CACNA1E: variants seen among roughly 807,000 people sequenced by gnomAD.
CACNA1E encodes the protein voltage-dependent R-type calcium channel subunit alpha-1E.
In CACNA1E, 40 loss-of-function variants were observed where a neutral mutation model predicts 259.2. The ratio of observed to expected loss-of-function variants is 0.15; its 90% CI spans 0.12 to 0.20. The LOEUF (loss-of-function observed/expected upper bound fraction) is 0.20, where lower values mean the gene tolerates loss of function less well. CACNA1E is among the 10% of genes least tolerant of loss of function. The pLI is 1.00. For synonymous variants in CACNA1E, 1,104 were observed against 1,138.5 expected, an observed-to-expected ratio of 0.97 and a Z score of 0.61; for missense variants, 1,874 against 3,040.1, an observed-to-expected ratio of 0.62 and a Z score of 9.02.
intron 27 of CACNA1E, among the ~76,000 whole-genome samples, chr1:181,753,168 A>G (rs2102670667): frequency 6.6e-6 from 1 of 152,326 alleles, no homozygotes; most frequent in South Asian, 2.1e-4. Context: ...AATACTTCCC[A>G]GCAAGCAGAC....
rs779331307 is a variant in CACNA1E at position 181,720,388 on chromosome 1, GC to G, written c.1883+53del. 183 of 1,579,088 alleles carry G rather than the reference GC, an allele frequency of 1.2e-4. 2 individuals are homozygous for G. The highest frequency in any genetic ancestry group is 9.3e-4 in the South Asian group (81 of 87,290). On this transcript the variant is annotated intron_variant, in intron 14 of 47. Coordinates refer to ENST00000367573, the MANE Select transcript of CACNA1E (RefSeq NM_001205293.3). ...AAAGGAGGCTCAAAACCCAGTCGTAGCCTGTGTTGGGCTAGGGTCATTAACT... is the reference window on the plus strand; with the variant it reads ...AAAGGAGGCTCAAAACCCAGTCGTAGCTGTGTTGGGCTAGGGTCATTAACT...
chr1:181,364,042 G>T (rs1311329252), intron 1 of CACNA1E, among the ~76,000 whole-genome samples: 1 of 152,200 alleles, frequency 6.6e-6, no homozygotes, highest in Non-Finnish European at 1.5e-5. Context: ...AGGTGGTAGA[G>T]CCTGGAGGCA....
At chr1:181,716,157 T>G in intron 10 of CACNA1E, 28 bp downstream of exon 10, 1 of 1,378,054 alleles carries the variant, frequency 7.3e-7, no homozygotes, top group Non-Finnish European at 1.0e-6. Flanking sequence ...GATCTTTTAC[T>G]GCTCTGAATC....
rs77515579 is a variant in CACNA1E at position 181,669,881 on chromosome 1, C to T, written c.1055+18440C>T. Among the ~76,000 whole-genome samples the T allele has an allele frequency of 3.4e-3, 521 of 152,226 alleles. 2 individuals carry two copies. The highest frequency in any genetic ancestry group is 0.011 in the African/African-American group (437 of 41,530). Reference sequence around the variant, plus strand: ...CACTCCAAGAACGTCTCCATTACATCGAGAAAGAGGGAATATTTGTTATCA... The same window carrying T: ...CACTCCAAGAACGTCTCCATTACATTGAGAAAGAGGGAATATTTGTTATCA... On this transcript the variant is annotated intron_variant, in intron 7 of 47. Transcript: ENST00000367573.
intron 1 of CACNA1E, among the ~76,000 whole-genome samples, chr1:181,493,949 T>C (rs1664523868): frequency 6.6e-6 from 1 of 152,268 alleles, no homozygotes; most frequent in Non-Finnish European, 1.5e-5. Context: ...CTGTAATCAC[T>C]GTCTCTCCAG....
At chr1:181,747,450 A>ATTTT (rs60393528) in intron 25 of CACNA1E, among the ~76,000 whole-genome samples, 1 of 122,874 alleles carries the variant, frequency 8.1e-6, no homozygotes, top group African/African-American at 3.2e-5. Flanking sequence ...AAAATCTGTC[A>ATTTT]TTTTTTTTTT....
chr1:181,566,942 G>T (rs1412181969), intron 3 of CACNA1E, among the ~76,000 whole-genome samples: 1 of 151,970 alleles, frequency 6.6e-6, no homozygotes. Flanking sequence ...GGTTGCCACA[G>T]GTATCTAGTG....
At position 181,426,597 on chromosome 1, in the gene CACNA1E, A is replaced by G. The variant is rs141879410; in HGVS notation, c.434+13017A>G. Among the ~76,000 whole-genome samples, 18 of 143,972 alleles carry G rather than the reference A, an allele frequency of 1.3e-4. 1 individual carries two copies. The East Asian group carries it at 3.2e-3, about 25-fold the overall frequency. 94.5% of individuals were successfully genotyped at this position (143,972 alleles called of 152,430 possible). ...CACAACTTAACCCCTTCACAACTCAATCCCTTCCCATCTCAACCCCTTCCC... is the reference window on the plus strand; with the variant it reads ...CACAACTTAACCCCTTCACAACTCAGTCCCTTCCCATCTCAACCCCTTCCC... On this transcript the variant is annotated intron_variant, in intron 2 of 11. Coordinates refer to the CACNA1E transcript ENST00000524607.
In CACNA1E at chr1:181,715,406, T is replaced by C. The variant is rs1352969368; in HGVS notation, c.1225+15T>C. 6.5e-7 allele frequency: 1 copy of C among 1,526,986 alleles called. No homozygotes were observed. Among genetic ancestry groups the C allele is most frequent in the Non-Finnish European group, 9.0e-7 (1 of 1,105,802 alleles). The allele number at this position is 1,526,986 out of a possible 1,614,324, so 94.6% of individuals were successfully genotyped here. ...CGCCTTAGAAGGTAAGGAAATGTTC[T>C]GATGCCTTATTCCAGTTGCATTTGC... On this transcript the variant is annotated intron_variant, in intron 9 of 47. Coordinates refer to ENST00000367573, the MANE Select transcript of CACNA1E (RefSeq NM_001205293.3).
chr1:181,467,667 C>T (rs1315426914), intron 2 of CACNA1E, among the ~76,000 whole-genome samples: 1 of 152,084 alleles, frequency 6.6e-6, no homozygotes, highest in South Asian at 2.1e-4. Flanking sequence ...CTCCAACTCT[C>T]AAAGGCTGTG....
intron 6 of CACNA1E, among the ~76,000 whole-genome samples, chr1:181,614,998 A>G (rs1264938743): frequency 6.6e-6 from 1 of 152,120 alleles, no homozygotes; most frequent in African/African-American, 2.4e-5. Flanking sequence ...TATCCTGTCA[A>G]TTTTTACTAA....
intron 6 of CACNA1E, among the ~76,000 whole-genome samples, chr1:181,602,890 A>G (rs1653873157): frequency 6.6e-6 from 1 of 152,198 alleles, no homozygotes; most frequent in Admixed American, 6.5e-5. Context: ...TGAGTCCACA[A>G]GATCCATACT....
intron 8 of CACNA1E, among the ~76,000 whole-genome samples, chr1:181,712,973 C>T (rs1356329283): frequency 2.0e-5 from 3 of 152,222 alleles, no homozygotes; most frequent in African/African-American, 4.8e-5. Flanking sequence ...CCAGCTCTCT[C>T]CTCCTTCTAA....
In CACNA1E at chr1:181,788,143, A is replaced by G. The variant is rs568730321; in HGVS notation, c.5787-2302A>G. On this transcript the variant is annotated intron_variant, in intron 43 of 47. Transcript: ENST00000367573. ...ACTAGCAGGATAGAGATGGAGACAG[A>G]TGGTCAGATGTGAGAAATTTGGTAG... Among the ~76,000 whole-genome samples the G allele has an allele frequency of 2.2e-4, 34 of 152,356 alleles. 1 individual carries two copies. The South Asian group carries it at 6.8e-3, about 31-fold the overall frequency.
chr1:181,679,264 G>C lies in CACNA1E; in HGVS notation c.1055+27823G>C, dbSNP rs1649684874. The stretch of plus-strand genomic sequence containing the variant: ...TTACAACAATTCAGTATGACAGGCT[G>C]TGTTTCTCCATATTACCCATGGTGG... On this transcript the variant is annotated intron_variant, in intron 7 of 47. Transcript: ENST00000367573. Among the ~76,000 whole-genome samples the C allele has an allele frequency of 2.0e-5, 3 of 152,228 alleles. 1 individual carries two copies. In the South Asian group the frequency reaches 6.2e-4, roughly 32 times the overall value.
At chr1:181,495,817 G>A (rs1221597061) in intron 1 of CACNA1E, among the ~76,000 whole-genome samples, 1 of 152,204 alleles carries the variant, frequency 6.6e-6, no homozygotes, top group Non-Finnish European at 1.5e-5. Flanking sequence ...TAGTATTAGT[G>A]TTAATGTTGA....
chr1:181,352,854 G>A (rs757701529), intron 1 of CACNA1E, among the ~76,000 whole-genome samples: 5 of 152,098 alleles, frequency 3.3e-5, no homozygotes, highest in South Asian at 2.1e-4. Flanking sequence ...AAATAAGATC[G>A]ACTCCCTGAT....
chr1:181,459,649 G>A (rs1401552672), intron 2 of CACNA1E, among the ~76,000 whole-genome samples: 1 of 152,232 alleles, frequency 6.6e-6, no homozygotes, highest in Non-Finnish European at 1.5e-5. Flanking sequence ...GGCCTCAACT[G>A]TTTCTGGGAC....
At chr1:181,649,230 G>T (rs1658544247) in intron 6 of CACNA1E, among the ~76,000 whole-genome samples, 1 of 152,198 alleles carries the variant, frequency 6.6e-6, no homozygotes, top group African/African-American at 2.4e-5. Context: ...TAACTGACCA[G>T]ACCTGATTGA....
Sources: gnomAD v4.1 joint callset for allele counts (sites outside exome capture counted in the v4.1 genomes callset) on GRCh38, gnomAD v4.1.1 for gene constraint, MANE v1.5 for transcripts, NCBI Gene and HGNC (gene_info 2026-07-23, HGNC 2026-07-21) for gene names.